Variants in DOCK3 observed in about 807,000 individuals in gnomAD.
DOCK3 encodes the protein dedicator of cytokinesis 3, also known as dedicator of cytokinesis protein 3.
Under a neutral mutation model 265.6 loss-of-function variants are expected in DOCK3, and 60 were observed. The ratio of observed to expected loss-of-function variants is 0.23; its 90% CI spans 0.18 to 0.28. DOCK3 has a LOEUF of 0.28. Among genes scored for constraint, DOCK3 ranks in the 10% least tolerant of loss-of-function variants. The pLI is 1.00. For missense variants in DOCK3, 1,981 were observed against 2,594.3 expected, an observed-to-expected ratio of 0.76 and a Z score of 5.14; for synonymous variants, 881 against 938.0, an observed-to-expected ratio of 0.94 and a Z score of 1.11.
intron 12 of DOCK3, among the ~76,000 whole-genome samples, chr3:51,191,587 G>A (rs2107846083): frequency 6.6e-6 from 1 of 152,212 alleles, no homozygotes; most frequent in Non-Finnish European, 1.5e-5. Flanking sequence ...CTCACACTCT[G>A]AGGATTTGGT....
At chr3:51,120,156 C>T (rs745864126) in intron 9 of DOCK3, among the ~76,000 whole-genome samples, 1 of 152,046 alleles carries the variant, frequency 6.6e-6, no homozygotes, top group East Asian at 1.9e-4. Flanking sequence ...TATGCATGGT[C>T]GTATTTTTTG....
At position 50,805,922 on chromosome 3, in the gene DOCK3, G is replaced by C. The variant is rs569212553; in HGVS notation, c.121+27164G>C. 1.4e-4 allele frequency among the ~76,000 whole-genome samples: 21 copies of C among 152,186 alleles called. No homozygotes were observed. In the South Asian group the frequency reaches 4.1e-3, roughly 30 times the overall value. ...GTTTCTGAGGCCTGGTATGTGCAAG[G>C]CTGCTTGCCTGGCCTGGGGGAATAT... is the stretch of plus-strand genomic sequence containing the variant. On this transcript the variant is annotated intron_variant, in intron 2 of 52. Transcript: ENST00000266037.
At chr3:51,092,943 C>G (rs1248233913) in intron 9 of DOCK3, among the ~76,000 whole-genome samples, 1 of 152,188 alleles carries the variant, frequency 6.6e-6, no homozygotes, top group Non-Finnish European at 1.5e-5. Flanking sequence ...GGAATCATTT[C>G]CCCATTGCTT....
intron 12 of DOCK3, among the ~76,000 whole-genome samples, chr3:51,178,746 A>G (rs751115311): frequency 1.3e-5 from 2 of 152,242 alleles, no homozygotes; most frequent in Admixed American, 6.5e-5. Flanking sequence ...TCAAAGTTAT[A>G]GTCAACTTAC....
chr3:51,031,958 T>G (rs751405904), intron 5 of DOCK3, among the ~76,000 whole-genome samples: 6 of 152,200 alleles, frequency 3.9e-5, no homozygotes, highest in Admixed American at 3.9e-4. Context: ...TCTTAGACTT[T>G]CTAGCTTCCA....
rs144687337 is a variant in DOCK3, at chr3:50,751,140, C to T, written c.38-27535C>T. The stretch of plus-strand genomic sequence containing the variant: ...GGATTGATGATATTTTTGTGGGTAT[C>T]TAAAGTAGTATTAGGCGATAATAGG... On this transcript the variant is annotated intron_variant, in intron 1 of 52. Transcript: ENST00000266037. Among the ~76,000 whole-genome samples the T allele has an allele frequency of 1.5e-3, 222 of 152,128 alleles. 2 individuals carry two copies. Among genetic ancestry groups the T allele is most frequent in the East Asian group, 7.9e-3 (41 of 5,188 alleles).
Position 51,270,840 on chromosome 3 carries a change from C to G in DOCK3, c.2381C>G (p.Thr794Ser). 6.2e-7 allele frequency: 1 copy of G among 1,613,898 alleles called. No individual in the cohort carries two copies. Among genetic ancestry groups the G allele is most frequent in the Non-Finnish European group, 8.5e-7 (1 of 1,179,834 alleles). Residue 794 changes from threonine to serine, a missense_variant, in exon 24 of 53, where the codon ACC becomes AGC. Physicochemically the swap from Thr to Ser is moderately conservative, Grantham distance 58 (BLOSUM62 1). Coordinates refer to ENST00000266037, the MANE Select transcript of DOCK3 (RefSeq NM_004947.5). ...TQAALLNSFPTIFDELLQMFT... is the reference protein window; with the variant it reads ...TQAALLNSFPSIFDELLQMFT... ...GCTGCACTCCTCAATTCTTTCCCAACCATCTTTGATGAGCTTCTGCAAATG... is the reference window on the plus strand; with the variant it reads ...GCTGCACTCCTCAATTCTTTCCCAAGCATCTTTGATGAGCTTCTGCAAATG...
chr3:50,722,844 T>C (rs1168262966), intron 1 of DOCK3, among the ~76,000 whole-genome samples: 1 of 147,656 alleles, frequency 6.8e-6, no homozygotes, highest in East Asian at 2.0e-4. Context: ...TGATCTCGGC[T>C]CACTGCAGCC....
Position 51,361,624 on chromosome 3 carries a change from G to A in DOCK3, c.5007-235G>A, listed in dbSNP as rs1021774865. Among the ~76,000 whole-genome samples, 2 of 152,158 alleles carry A rather than the reference G, an allele frequency of 1.3e-5. No individual in the cohort carries two copies. The highest frequency in any genetic ancestry group is 3.9e-4 in the East Asian group (2 of 5,188). On this transcript the variant is annotated intron_variant, in intron 47 of 52. Transcript: ENST00000266037. This position sits in a 1 kb window ranked among gnomAD's most constrained non-coding sequence, Gnocchi z 4.2. Reference sequence around the variant, plus strand: ...GTGGCCATAAGCCATGTAGCTGTAGGTAGAGGCTTGTCCAGTGTACCACAC... The same window carrying A: ...GTGGCCATAAGCCATGTAGCTGTAGATAGAGGCTTGTCCAGTGTACCACAC...
At chr3:51,004,461 G>T (rs1056044965) in intron 5 of DOCK3, among the ~76,000 whole-genome samples, 1 of 152,126 alleles carries the variant, frequency 6.6e-6, no homozygotes, top group Admixed American at 6.6e-5. Flanking sequence ...GCTCTAAGTT[G>T]TAGGGTAATT....
chr3:50,853,999 A>T (rs141134311), intron 3 of DOCK3, among the ~76,000 whole-genome samples: 3 of 151,958 alleles, frequency 2.0e-5, no homozygotes, highest in African/African-American at 7.2e-5. Context: ...TTTTAATAAT[A>T]GCCATTCTGA....
chr3:51,378,190 C>T (rs955805671), intron 51 of DOCK3, among the ~76,000 whole-genome samples: 4 of 152,202 alleles, frequency 2.6e-5, no homozygotes, highest in Admixed American at 1.3e-4. Context: ...CTGGCACACC[C>T]CTCCTTCCTG....
intron 5 of DOCK3, among the ~76,000 whole-genome samples, chr3:50,937,541 AGCTACTCGAGAG>A (rs1355605784): frequency 6.6e-6 from 1 of 151,900 alleles, no homozygotes; most frequent in Non-Finnish European, 1.5e-5. Flanking sequence ...TGTATTCCCA[AGCTACTCGAGAG>A]GCTGAGGCAG....
chr3:50,741,611 T>G (rs2039034120), intron 1 of DOCK3, among the ~76,000 whole-genome samples: 1 of 150,960 alleles, frequency 6.6e-6, no homozygotes, highest in Non-Finnish European at 1.5e-5. Flanking sequence ...AACTCATCAT[T>G]TTTTATGGCT....
intron 38 of DOCK3, among the ~76,000 whole-genome samples, chr3:51,343,698 A>G (rs182320079): frequency 6.6e-6 from 1 of 152,352 alleles, no homozygotes; most frequent in African/African-American, 2.4e-5. Flanking sequence ...CAAAGCCCCC[A>G]GACCCACCAT....
intron 4 of DOCK3, among the ~76,000 whole-genome samples, chr3:50,911,979 G>T (rs1472532152): frequency 6.6e-6 from 1 of 151,920 alleles, no homozygotes; most frequent in Non-Finnish European, 1.5e-5. Context: ...CTGCTAGTTT[G>T]TTGTTGGTCT....
At chr3:50,878,305 G>A (rs560284009) in intron 3 of DOCK3, among the ~76,000 whole-genome samples, 12 of 152,168 alleles carry the variant, frequency 7.9e-5, no homozygotes, top group African/African-American at 2.9e-4. Flanking sequence ...AGAAGGCTTC[G>A]GACGATTGGT....
intron 7 of DOCK3, among the ~76,000 whole-genome samples, chr3:51,080,151 A>G (rs897370066): frequency 1.3e-5 from 2 of 152,220 alleles, no homozygotes. Context: ...TCCCCAACCT[A>G]TATAGCAGGC....
intron 5 of DOCK3, among the ~76,000 whole-genome samples, chr3:51,057,368 G>A: frequency 6.6e-6 from 1 of 152,152 alleles, no homozygotes; most frequent in Non-Finnish European, 1.5e-5. Context: ...GGTTTTTGCA[G>A]AGGCTGGATG....
Sources: allele counts gnomAD v4.1 joint callset (sites outside exome capture counted in the v4.1 genomes callset), GRCh38; gene constraint gnomAD v4.1.1; non-coding constraint Gnocchi (gnomAD v3.1); transcripts MANE v1.5; gene names NCBI Gene and HGNC (gene_info 2026-07-23, HGNC 2026-07-21).